Variants in ME1 observed in about 807,000 individuals in gnomAD.
ME1 encodes malic enzyme 1.
Under a neutral mutation model 66.4 loss-of-function variants are expected in ME1, and 74 were observed. That is an observed-to-expected ratio of 1.11 (90% confidence interval 0.92 to 1.35). The LOEUF is 1.35. Among genes scored for constraint, ME1 ranks in the 40% most tolerant of loss-of-function variants. The probability of loss-of-function intolerance (pLI) is 0.00; values close to 1 mark genes in which losing one functional copy is unlikely to be tolerated. For missense variants in ME1, 750 were observed against 694.1 expected (o/e 1.08, Z -0.90); for synonymous variants, 251 against 235.6 (o/e 1.07, Z -0.60).
intron 1 of ME1, among the ~76,000 whole-genome samples, chr6:83,408,778 GTCCC>G (rs1042594329): frequency 6.6e-6 from 1 of 152,208 alleles, no homozygotes; most frequent in African/African-American, 2.4e-5. Context: ...GGGATAAGGA[GTCCC>G]TCTGGAGAGG....
At chr6:83,245,929 A>G (rs532508281) in intron 7 of ME1, among the ~76,000 whole-genome samples, 64 of 152,330 alleles carry the variant, frequency 4.2e-4, no homozygotes, top group African/African-American at 1.3e-3. Flanking sequence ...AAAATGTTTC[A>G]GAATATTAAT....
At chr6:83,234,883 A>T (rs1268505290) in intron 9 of ME1, among the ~76,000 whole-genome samples, 1 of 152,198 alleles carries the variant, frequency 6.6e-6, no homozygotes, top group African/African-American at 2.4e-5. Flanking sequence ...TTTATTTTGT[A>T]CATGCTGGTT....
intron 6 of ME1, among the ~76,000 whole-genome samples, chr6:83,291,911 C>T (rs192110308): frequency 1.4e-4 from 21 of 152,060 alleles, no homozygotes; most frequent in East Asian, 1.4e-3. Flanking sequence ...TTGATCGAAT[C>T]GGCTATTGAA....
chr6:83,294,804 C>T (rs1054786259), intron 6 of ME1, among the ~76,000 whole-genome samples: 1 of 152,168 alleles, frequency 6.6e-6, no homozygotes, highest in African/African-American at 2.4e-5. Context: ...GCCCCCCATC[C>T]CAGGGCAATT....
chr6:83,257,274 C>G (rs1240181112), intron 6 of ME1, among the ~76,000 whole-genome samples: 1 of 151,636 alleles, frequency 6.6e-6, no homozygotes, highest in Non-Finnish European at 1.5e-5. Flanking sequence ...AAAGAAACTT[C>G]TAAAAGGTAT....
At chr6:83,227,797 A>G (rs552715087) in intron 10 of ME1, among the ~76,000 whole-genome samples, 10 of 152,324 alleles carry the variant, frequency 6.6e-5, no homozygotes, top group African/African-American at 2.2e-4. Context: ...TTTATAAGCA[A>G]TTCTATGAGT....
At chr6:83,376,371 T>C (rs999901530) in intron 3 of ME1, among the ~76,000 whole-genome samples, 3 of 151,990 alleles carry the variant, frequency 2.0e-5, no homozygotes, top group South Asian at 4.2e-4. Flanking sequence ...GGCGCATGCC[T>C]GTGATTCCAG....
chr6:83,343,396 A>G (rs1202522581), intron 5 of ME1, among the ~76,000 whole-genome samples: 1 of 152,194 alleles, frequency 6.6e-6, no homozygotes, highest in Non-Finnish European at 1.5e-5. Flanking sequence ...GACCTCTGTC[A>G]CTCTCAAAGT....
intron 6 of ME1, among the ~76,000 whole-genome samples, chr6:83,273,723 A>G (rs1767126744): frequency 6.6e-6 from 1 of 152,224 alleles, no homozygotes; most frequent in Admixed American, 6.5e-5. Context: ...AGAAGATTTT[A>G]TGTCAGCTGA....
chr6:83,358,709 T>G (rs538055928), intron 3 of ME1, among the ~76,000 whole-genome samples: 132 of 152,180 alleles, frequency 8.7e-4, no homozygotes, highest in African/African-American at 3.1e-3. Flanking sequence ...AACTCTTTTT[T>G]CCAGAAGGAA....
chr6:83,403,634 G>A (rs570149244), intron 2 of ME1, among the ~76,000 whole-genome samples: 100 of 152,120 alleles, frequency 6.6e-4, no homozygotes, highest in Non-Finnish European at 1.3e-3. Context: ...GTATTTATCC[G>A]AATGCTCTCC....
intron 1 of ME1, among the ~76,000 whole-genome samples, chr6:83,426,909 T>C (rs1404014477): frequency 6.6e-6 from 1 of 152,194 alleles, no homozygotes; most frequent in Non-Finnish European, 1.5e-5. Context: ...TAGTGTTTTC[T>C]ACCATTGCAA....
Position 83,431,006 on chromosome 6 carries a change from G to T in ME1, c.-52C>A. ...TCAGGCCGGGGCGGGCCGCACGCGCGGTGCAGGCGGCGGATGCTGCTGGGG... is the reference window on the plus strand; with the variant it reads ...TCAGGCCGGGGCGGGCCGCACGCGCTGTGCAGGCGGCGGATGCTGCTGGGG... On this transcript the variant is annotated 5_prime_UTR_variant, in exon 1 of 14. Coordinates refer to ENST00000369705, the MANE Select transcript of ME1 (RefSeq NM_002395.6). 8.2e-7 allele frequency: 1 copy of T among 1,222,002 alleles called. No homozygotes were observed. Among genetic ancestry groups the T allele is most frequent in the Non-Finnish European group, 1.1e-6 (1 of 914,652 alleles). The allele number at this position is 1,222,002 out of a possible 1,614,324, so 75.7% of individuals were successfully genotyped here. A position where few individuals can be genotyped will look rare whatever the true frequency, so the allele number is the denominator to read the frequency against.
rs1767876987 is a variant in ME1, at chr6:83,308,907, G to A, written c.704+6403C>T. Among the ~76,000 whole-genome samples the A allele has an allele frequency of 2.0e-5, 3 of 152,060 alleles. No homozygotes were observed. The South Asian group carries it at 6.2e-4, about 32-fold the overall frequency. ...TTGAGAAAAGGATATTTGAGGAAAT[G>A]TTAAAGGAGGTGAGAGAGCTAGTCA... On this transcript the variant is annotated intron_variant, in intron 6 of 13. Coordinates refer to ENST00000369705, the MANE Select transcript of ME1 (RefSeq NM_002395.6).
At chr6:83,394,051 A>AT (rs2128550203) in intron 3 of ME1, among the ~76,000 whole-genome samples, 1 of 151,850 alleles carries the variant, frequency 6.6e-6, no homozygotes, top group African/African-American at 2.4e-5. Flanking sequence ...AATATTTATT[A>AT]TTTTTTCAAT....
At chr6:83,324,397 G>T (rs1319202512) in intron 5 of ME1, among the ~76,000 whole-genome samples, 1 of 151,644 alleles carries the variant, frequency 6.6e-6, no homozygotes, top group Non-Finnish European at 1.5e-5. Context: ...ATGAATCCAG[G>T]AGCTGGTTTT....
rs140101350 is a variant in ME1, at chr6:83,220,207, C to T, written c.1449+3553G>A. ...AAAGAAGAATCATTCTGAATCCTTA[C>T]TCTCCATGTGTGACTGTCCATGATG... On this transcript the variant is annotated intron_variant, in intron 12 of 13. Coordinates refer to ENST00000369705, the MANE Select transcript of ME1 (RefSeq NM_002395.6). Among the ~76,000 whole-genome samples the T allele has an allele frequency of 3.6e-3, 552 of 152,296 alleles. 4 individuals are homozygous for T. Among genetic ancestry groups the T allele is most frequent in the African/African-American group, 0.012 (506 of 41,576 alleles).
chr6:83,390,786 G>A (rs1380378931), intron 3 of ME1, among the ~76,000 whole-genome samples: 2 of 151,844 alleles, frequency 1.3e-5, no homozygotes, highest in Non-Finnish European at 2.9e-5. Context: ...TTCAACATTT[G>A]TAAGCATTTT....
At chr6:83,401,641 T>G (rs1375905441) in intron 2 of ME1, among the ~76,000 whole-genome samples, 1 of 152,180 alleles carries the variant, frequency 6.6e-6, no homozygotes, top group African/African-American at 2.4e-5. Flanking sequence ...TGAGTCAGCC[T>G]TTTTGCCCAG....
Sources: gnomAD v4.1 joint callset for allele counts (sites outside exome capture counted in the v4.1 genomes callset) on GRCh38, gnomAD v4.1.1 for gene constraint, MANE v1.5 for transcripts, NCBI Gene and HGNC (gene_info 2026-07-23, HGNC 2026-07-21) for gene names.